CAMTA1: variants seen among roughly 807,000 people sequenced by gnomAD.
CAMTA1 encodes calmodulin binding transcription activator 1.
A neutral mutation model predicts 170.9 loss-of-function variants in CAMTA1; 27 were observed. That is an observed-to-expected ratio of 0.16 (90% CI 0.12 to 0.22). The LOEUF is 0.22. Ranked by LOEUF, CAMTA1 falls within the 10% of genes least tolerant of loss-of-function variation. The pLI, the probability that CAMTA1 is intolerant of heterozygous loss-of-function variation, is 1.00. For synonymous variants in CAMTA1, 833 were observed against 891.5 expected (o/e 0.93, Z 1.17); for missense variants, 1,619 against 2,217.2 (o/e 0.73, Z 5.42).
rs183883325 is a variant in CAMTA1 at position 7,001,990 on chromosome 1, A to C, written c.235-89314A>C. Among the ~76,000 whole-genome samples the C allele has an allele frequency of 9.0e-3, 1,313 of 146,346 alleles. 19 individuals carry two copies. The highest frequency in any genetic ancestry group is 0.031 in the African/African-American group (1,211 of 39,170). On this transcript the variant is annotated intron_variant, in intron 3 of 22. Coordinates refer to ENST00000303635, the MANE Select transcript of CAMTA1 (RefSeq NM_015215.4). ...CAGCTCACTGCAACCTCCGCCTCCCAGGTTCAAGCAATTCTCCTGCCTCAG... is the reference window on the plus strand; with the variant it reads ...CAGCTCACTGCAACCTCCGCCTCCCCGGTTCAAGCAATTCTCCTGCCTCAG...
At chr1:7,110,405 C>G (rs1200306725) in intron 4 of CAMTA1, among the ~76,000 whole-genome samples, 3 of 152,140 alleles carry the variant, frequency 2.0e-5, no homozygotes, top group Non-Finnish European at 4.4e-5. Flanking sequence ...GATTAATCCT[C>G]GCAACAGCTC....
chr1:7,437,489 G>T (rs1385469784), intron 5 of CAMTA1, among the ~76,000 whole-genome samples: 1 of 152,174 alleles, frequency 6.6e-6, no homozygotes, highest in African/African-American at 2.4e-5. Flanking sequence ...CACACTCCCT[G>T]CCGTGTAAGG....
At chr1:7,161,399 G>C (rs1437935930) in intron 4 of CAMTA1, among the ~76,000 whole-genome samples, 4 of 152,124 alleles carry the variant, frequency 2.6e-5, no homozygotes, top group Non-Finnish European at 5.9e-5. Context: ...AATCTCCATT[G>C]AGGGCTGATA....
At chr1:6,841,662 C>A (rs1352917972) in intron 3 of CAMTA1, among the ~76,000 whole-genome samples, 2 of 151,620 alleles carry the variant, frequency 1.3e-5, no homozygotes, top group Admixed American at 6.6e-5. Context: ...AAATGGGAGA[C>A]GGAATGTGGA....
At chr1:7,155,113 A>G (rs905255586) in intron 4 of CAMTA1, among the ~76,000 whole-genome samples, 3 of 152,132 alleles carry the variant, frequency 2.0e-5, no homozygotes, top group Admixed American at 1.3e-4. Flanking sequence ...AGAGGCACGG[A>G]ACAGGATGGT....
intron 3 of CAMTA1, among the ~76,000 whole-genome samples, chr1:6,928,533 C>T (rs1394131329): frequency 6.6e-6 from 1 of 152,158 alleles, no homozygotes; most frequent in South Asian, 2.1e-4. Context: ...TCTGCCCTCC[C>T]CACCCTAACT....
Position 7,354,958 on chromosome 1 carries a change from T to C in CAMTA1, c.438+105332T>C, listed in dbSNP as rs187500351. Among the ~76,000 whole-genome samples the C allele has an allele frequency of 1.2e-4, 19 of 152,232 alleles. 1 individual carries two copies. The East Asian group carries it at 3.5e-3, about 28-fold the overall frequency. On this transcript the variant is annotated intron_variant, in intron 5 of 22. Transcript: ENST00000303635. ...GGCTCACACCTGTAATTCCAGCACT[T>C]AGGAAGGCTGAGGGGGGTGGATTGA...
intron 6 of CAMTA1, among the ~76,000 whole-genome samples, chr1:7,508,527 A>G (rs1290623557): frequency 6.6e-6 from 1 of 152,180 alleles, no homozygotes; most frequent in East Asian, 1.9e-4. Flanking sequence ...GTTGACAGGT[A>G]TGACCTCCCT....
intron 3 of CAMTA1, among the ~76,000 whole-genome samples, chr1:6,902,858 G>A (rs924608098): frequency 2.6e-5 from 4 of 152,126 alleles, no homozygotes; most frequent in Non-Finnish European, 4.4e-5. Context: ...AAACATTGCT[G>A]GTTGGTGTAT....
chr1:6,799,000 C>T (rs1643275311), intron 1 of CAMTA1, among the ~76,000 whole-genome samples: 1 of 152,122 alleles, frequency 6.6e-6, no homozygotes, highest in Non-Finnish European at 1.5e-5. Context: ...GTAGAACAAG[C>T]CCACTTGGAT....
At chr1:7,110,000 C>T (rs550979133) in intron 4 of CAMTA1, among the ~76,000 whole-genome samples, 16 of 152,200 alleles carry the variant, frequency 1.1e-4, no homozygotes, top group Middle Eastern at 3.4e-3. Flanking sequence ...TATGGTGAGC[C>T]GGGAAGTGAG....
At position 6,886,554 on chromosome 1, in the gene CAMTA1, G is replaced by A. The variant is rs72638529; in HGVS notation, c.234+61344G>A. 6.4e-3 allele frequency among the ~76,000 whole-genome samples: 973 copies of A among 152,318 alleles called. 6 individuals carry two copies. The highest frequency in any genetic ancestry group is 8.5e-3 in the Non-Finnish European group (580 of 68,034). ...ACTTGTGAAAGTCACTGGCCTCTGC[G>A]CATTGGGCACAGGCCTGAAGGCGAT... On this transcript the variant is annotated intron_variant, in intron 3 of 22. Coordinates refer to ENST00000303635, the MANE Select transcript of CAMTA1 (RefSeq NM_015215.4).
chr1:6,902,064 CACACACACAAAAAA>C (rs774822633), intron 3 of CAMTA1, among the ~76,000 whole-genome samples: 20 of 99,084 alleles, frequency 2.0e-4, no homozygotes, highest in South Asian at 8.5e-4. Context: ...CACACACACA[CACACACACAAAAAA>C]AAAAATAAAA....
chr1:7,363,338 GA>G (rs1175136830), intron 5 of CAMTA1, among the ~76,000 whole-genome samples: 1 of 152,064 alleles, frequency 6.6e-6, no homozygotes, highest in East Asian at 1.9e-4. Context: ...ACACCTTTAA[GA>G]GGGCTCTAGC....
chr1:7,420,995 T>G (rs1020142811), intron 5 of CAMTA1, among the ~76,000 whole-genome samples: 2 of 152,172 alleles, frequency 1.3e-5, no homozygotes, highest in Non-Finnish European at 2.9e-5. Context: ...CTCCCTGGGA[T>G]GAAAGTCCCA....
At chr1:7,700,454 A>G (rs1020967221) in intron 11 of CAMTA1, among the ~76,000 whole-genome samples, 2 of 152,248 alleles carry the variant, frequency 1.3e-5, no homozygotes, top group Non-Finnish European at 2.9e-5. Context: ...TGATATATAC[A>G]GAAACATCTG....
At position 7,426,477 on chromosome 1, in the gene CAMTA1, G is replaced by A. The variant is rs997834514; in HGVS notation, c.439-41353G>A. Reference sequence around the variant, plus strand: ...TAATACTAAATAACTGCATCGATTCGATTGATACTACTTGTTAGATCAAGC... The same window carrying A: ...TAATACTAAATAACTGCATCGATTCAATTGATACTACTTGTTAGATCAAGC... On this transcript the variant is annotated intron_variant, in intron 5 of 22. Coordinates refer to ENST00000303635, the MANE Select transcript of CAMTA1 (RefSeq NM_015215.4). The surrounding 1 kb of genome is among the most constrained non-coding windows in gnomAD (Gnocchi z 4.8). 1.1e-4 allele frequency among the ~76,000 whole-genome samples: 16 copies of A among 152,300 alleles called. No homozygotes were observed. Among genetic ancestry groups the A allele is most frequent in the South Asian group, 6.2e-4 (3 of 4,828 alleles).
intron 5 of CAMTA1, among the ~76,000 whole-genome samples, chr1:7,330,315 C>G (rs78581895): frequency 6.6e-6 from 1 of 152,142 alleles, no homozygotes; most frequent in Non-Finnish European, 1.5e-5. Context: ...TCGCAGGACC[C>G]GGATTCAGCC....
chr1:6,864,231 C>G (rs1665796468), intron 3 of CAMTA1, among the ~76,000 whole-genome samples: 1 of 152,174 alleles, frequency 6.6e-6, no homozygotes, highest in Admixed American at 6.5e-5. Context: ...AAAACAATTC[C>G]TGCTGGTTCT....
Sources: gnomAD v4.1 joint callset for allele counts (sites outside exome capture counted in the v4.1 genomes callset) on GRCh38, gnomAD v4.1.1 for gene constraint, Gnocchi (gnomAD v3.1) non-coding constraint, MANE v1.5 for transcripts, NCBI Gene and HGNC (gene_info 2026-07-23, HGNC 2026-07-21) for gene names.